Variants in KLF17 observed in about 807,000 individuals in gnomAD.
The protein encoded by KLF17 is Krueppel-like factor 17.
KLF17 carries 31 observed loss-of-function variants against 34.2 expected under a neutral mutation model. That is an observed-to-expected ratio of 0.91 (90% CI 0.68 to 1.22). KLF17 has a LOEUF of 1.22. Ranked by LOEUF, KLF17 falls within the 50% of genes most tolerant of loss-of-function variation. The pLI is 0.00. For missense variants in KLF17, 478 were observed against 505.2 expected, an observed-to-expected ratio of 0.95 and a Z score of 0.52; for synonymous variants, 179 against 186.7, an observed-to-expected ratio of 0.96 and a Z score of 0.34.
At chr1:44,069,196 G>A in the KLF17 span, among the ~76,000 whole-genome samples, 1 of 152,202 alleles carries the variant, frequency 6.6e-6, no homozygotes. The surrounding 1 kb of genome is among the most constrained non-coding windows in gnomAD (Gnocchi z 4.7). Context: ...GCAGGATAGG[G>A]GTGGGGGTTC....
upstream of KLF17, among the ~76,000 whole-genome samples, chr1:44,117,605 C>T (rs938913867): frequency 1.3e-5 from 2 of 152,032 alleles, no homozygotes; most frequent in African/African-American, 4.8e-5. Context: ...AAGCGATTCT[C>T]CTGCCTCAGC....
At chr1:44,087,761 TATATATATAC>T in the KLF17 span, among the ~76,000 whole-genome samples, 776 of 56,224 alleles carry the variant, frequency 0.014, 3 homozygotes, top group East Asian at 0.02. Context: ...TATATATATA[TATATATATAC>T]ACACACACAC....
At chr1:44,122,289 G>A in intron 1 of KLF17, 1 of 1,602,270 alleles carries the variant, frequency 6.2e-7, no homozygotes, top group Non-Finnish European at 8.6e-7. Context: ...TGTATCCAGA[G>A]GTAAACTGTC....
chr1:44,065,629 C>T, the KLF17 span, among the ~76,000 whole-genome samples: 4 of 151,846 alleles, frequency 2.6e-5, no homozygotes, highest in African/African-American at 9.7e-5. Context: ...AGGCTGGTCT[C>T]GAACTTGTGG....
At chr1:44,090,671 G>A in the KLF17 span, among the ~76,000 whole-genome samples, 40 of 152,108 alleles carry the variant, frequency 2.6e-4, no homozygotes, top group African/African-American at 9.4e-4. Flanking sequence ...CCACGGGGAG[G>A]GACTGAAAAG....
rs375696250 is a variant in KLF17 at position 44,130,144 on chromosome 1, A to G, written c.873A>G (p.Gly291=). 23 of 1,614,036 alleles carry G rather than the reference A, an allele frequency of 1.4e-5. No homozygotes were observed. Among genetic ancestry groups the G allele is most frequent in the Non-Finnish European group, 1.8e-5 (21 of 1,180,034 alleles). ...ACTGCTGCAACTACGAGAACTGCGGAAAAGCTTATACCAAACGCTCCCACC... is the reference window on the plus strand; with the variant it reads ...ACTGCTGCAACTACGAGAACTGCGGGAAAGCTTATACCAAACGCTCCCACC... The part of the protein sequence containing the change: ...RPYCCNYENC[G]KAYTKRSHLV... The change falls in exon 2 of 4, where the codon GGA becomes GGG. Residue 291 remains glycine (G), a synonymous_variant. Coordinates refer to ENST00000372299, the MANE Select transcript of KLF17 (RefSeq NM_173484.4).
chr1:44,044,313 G>C, the KLF17 span, among the ~76,000 whole-genome samples: 1 of 152,200 alleles, frequency 6.6e-6, no homozygotes, highest in Non-Finnish European at 1.5e-5. Flanking sequence ...TGGGGTTTTC[G>C]ATAACACAGG....
At chr1:44,113,043 T>C in the KLF17 span, among the ~76,000 whole-genome samples, 1 of 152,236 alleles carries the variant, frequency 6.6e-6, no homozygotes, top group South Asian at 2.1e-4. Flanking sequence ...TTCTAGCTCA[T>C]ATATGTAACT....
At chr1:44,127,401 CCCCA>C (rs1321771655) in intron 1 of KLF17, among the ~76,000 whole-genome samples, 4 of 152,144 alleles carry the variant, frequency 2.6e-5, no homozygotes, top group Non-Finnish European at 4.4e-5. Context: ...TCTAATATAA[CCCCA>C]TCCTGTTGTC....
the KLF17 span, among the ~76,000 whole-genome samples, chr1:44,081,117 G>C: frequency 6.6e-6 from 1 of 150,556 alleles, no homozygotes; most frequent in Non-Finnish European, 1.5e-5. Flanking sequence ...GTAAGATAGA[G>C]TAACAAAACA....
At chr1:44,081,203 G>A in the KLF17 span, among the ~76,000 whole-genome samples, 1 of 145,272 alleles carries the variant, frequency 6.9e-6, no homozygotes, top group African/African-American at 2.5e-5. Flanking sequence ...TCCAGCCTGG[G>A]TAACAGAACA....
upstream of KLF17, among the ~76,000 whole-genome samples, chr1:44,118,113 A>G (rs1055417419): frequency 3.3e-5 from 5 of 152,038 alleles, no homozygotes; most frequent in South Asian, 2.1e-4. Context: ...CCTTTCAGGC[A>G]TTTCATTTTC....
the KLF17 span, among the ~76,000 whole-genome samples, chr1:44,079,557 C>A: frequency 3.9e-5 from 6 of 152,080 alleles, no homozygotes; most frequent in African/African-American, 1.4e-4. Context: ...CCCACCTCAG[C>A]CTCTCAAAGT....
chr1:44,062,926 G>C, the KLF17 span, among the ~76,000 whole-genome samples: 1 of 152,122 alleles, frequency 6.6e-6, no homozygotes, highest in African/African-American at 2.4e-5. Context: ...TCTAGCAGAA[G>C]ACAAGTACGA....
intron 2 of KLF17, 130 bp from the exon 3 acceptor site, chr1:44,130,378 CTGAT>C: frequency 7.2e-7 from 1 of 1,398,242 alleles, no homozygotes; most frequent in Non-Finnish European, 9.9e-7. Flanking sequence ...GCGGGCACTC[CTGAT>C]TGTGTTGCCC....
chr1:44,086,492 TAA>T, the KLF17 span, among the ~76,000 whole-genome samples: 1 of 151,072 alleles, frequency 6.6e-6, no homozygotes, highest in Admixed American at 6.6e-5. Context: ...AATAAATAAA[TAA>T]ATAAATAAAT....
At chr1:44,077,277 G>A in the KLF17 span, among the ~76,000 whole-genome samples, 6 of 151,948 alleles carry the variant, frequency 3.9e-5, no homozygotes, top group South Asian at 4.2e-4. Context: ...CCTAAGAGGC[G>A]GAGGTTGCAG....
At chr1:44,131,422 G>A (rs932771849) in intron 3 of KLF17, among the ~76,000 whole-genome samples, 3 of 152,184 alleles carry the variant, frequency 2.0e-5, no homozygotes, top group African/African-American at 7.2e-5. Flanking sequence ...TCCAGAGCCA[G>A]ACTATTTTCA....
the KLF17 span, among the ~76,000 whole-genome samples, chr1:44,058,623 A>G: frequency 3.4e-5 from 5 of 148,838 alleles, no homozygotes; most frequent in Middle Eastern, 3.2e-3. Context: ...GATGACTCCA[A>G]AGGAACAGTA....
Sources: gnomAD v4.1 joint callset for allele counts (sites outside exome capture counted in the v4.1 genomes callset) on GRCh38, gnomAD v4.1.1 for gene constraint, Gnocchi (gnomAD v3.1) non-coding constraint, MANE v1.5 for transcripts, NCBI Gene and HGNC (gene_info 2026-07-23, HGNC 2026-07-21) for gene names.